Variants in AARD observed in about 807,000 individuals in gnomAD.
The protein encoded by AARD is alanine and arginine rich domain containing protein, also known as alanine- and arginine-rich domain-containing protein.
Under a neutral mutation model 9.3 loss-of-function variants are expected in AARD, and 9 were observed. That is an observed-to-expected ratio of 0.97 (90% CI 0.58 to 1.69). AARD has a LOEUF of 1.69. Ranked by LOEUF, AARD falls within the 40% of genes most tolerant of loss-of-function variation. The pLI is 0.00. For missense variants in AARD, 236 were observed against 210.3 expected (o/e 1.12, Z -0.76); for synonymous variants, 91 against 93.8 (o/e 0.97, Z 0.17).
Position 116,938,412 on chromosome 8 carries a change from G to T in AARD, c.169G>T (p.Glu57Ter). The T allele has an allele frequency of 6.2e-7, 1 of 1,611,676 alleles. No individual in the cohort carries two copies. The highest frequency in any genetic ancestry group is 1.1e-5 in the South Asian group (1 of 90,924). Residue 57 changes from glutamate (E) to a stop codon, truncating the protein, a stop_gained, in exon 1 of 2, where the codon GAG becomes TAG. Transcript: ENST00000378279. LOFTEE classifies it high-confidence loss of function. ...EEALAASPLLEDLRRRLTRAF... is the reference protein window; with the variant it reads ...EEALAASPLL Reference sequence around the variant, plus strand: ...GGCCCTCGCCGCCAGCCCGCTGCTGGAGGACCTCAGACGACGGCTGACGCG... The same window carrying T: ...GGCCCTCGCCGCCAGCCCGCTGCTGTAGGACCTCAGACGACGGCTGACGCG...
Position 116,938,639 on chromosome 8 carries a change from G to A in AARD, c.324+72G>A, listed in dbSNP as rs961444616. ...GGTCCTCTCCTCCAGCTGCAGAGCC[G>A]CTGGCCGCGTAGCCCACCCGACGCC... On this transcript the variant is annotated intron_variant, in intron 1 of 1. Transcript: ENST00000378279. 8.0e-6 allele frequency: 11 copies of A among 1,375,734 alleles called. No individual in the cohort carries two copies. In the African/African-American group the frequency reaches 1.5e-4, roughly 19 times the overall value. 85.2% of individuals were successfully genotyped at this position (1,375,734 alleles called of 1,614,324 possible).
Position 116,938,323 on chromosome 8 carries a change from G to C in AARD, c.80G>C (p.Trp27Ser), listed in dbSNP as rs780927967. 1.2e-6 allele frequency: 2 copies of C among 1,612,664 alleles called. No individual in the cohort carries two copies. The highest frequency in any genetic ancestry group is 1.1e-5 in the South Asian group (1 of 90,946). The change falls in exon 1 of 2, where the codon TGG becomes TCG. Residue 27 changes from tryptophan to serine, a missense_variant. Trp to Ser is a radical substitution (Grantham distance 177). Transcript: ENST00000378279. ...LQGLPGRAELWFPPRPACDFF... is the reference protein window; with the variant it reads ...LQGLPGRAELSFPPRPACDFF... ...GGACTCCCAGGTAGAGCGGAGCTTT[G>C]GTTCCCACCTCGTCCCGCGTGCGAC...
At position 116,942,825 on chromosome 8, in the gene AARD, C is replaced by T; in HGVS notation, c.*124C>T. 1.1e-6 allele frequency: 1 copy of T among 899,710 alleles called. No homozygotes were observed. Among genetic ancestry groups the T allele is most frequent in the Non-Finnish European group, 1.6e-6 (1 of 627,976 alleles). The allele number at this position is 899,710 out of a possible 1,614,324, so 55.7% of individuals were successfully genotyped here. A position where few individuals can be genotyped will look rare whatever the true frequency, so the allele number is the denominator to read the frequency against. On this transcript the variant is annotated 3_prime_UTR_variant, in exon 2 of 2. Transcript: ENST00000378279. ...ACCATCCTGGCTAACACTGTGAAAC[C>T]CTGCCTCTACTAAAAATACAAAAAA...
rs1369984014 is a variant in AARD at position 116,942,538 on chromosome 8, T to A, written c.325-20T>A. On this transcript the variant is annotated intron_variant, in intron 1 of 1. Transcript: ENST00000378279. Reference sequence around the variant, plus strand: ...CTGCATCTCAGGCTAATAAAATTTTTATTTTTTTCTAACTTTTAGGTGGAA... The same window carrying A: ...CTGCATCTCAGGCTAATAAAATTTTAATTTTTTTCTAACTTTTAGGTGGAA... 1 of 1,590,916 alleles carries A rather than the reference T, an allele frequency of 6.3e-7. No individual in the cohort carries two copies. The highest frequency in any genetic ancestry group is 8.6e-7 in the Non-Finnish European group (1 of 1,167,374).
In AARD at chr8:116,943,030, G is replaced by A. The variant is rs1018156652; in HGVS notation, c.*329G>A. The A allele has an allele frequency of 4.4e-5, 7 of 158,796 alleles. No individual in the cohort carries two copies. The highest frequency in any genetic ancestry group is 1.9e-4 in the South Asian group (1 of 5,322). The allele number at this position is 158,796 out of a possible 1,614,324, so 9.8% of individuals were successfully genotyped here. On this transcript the variant is annotated 3_prime_UTR_variant, in exon 2 of 2. Coordinates refer to ENST00000378279, the MANE Select transcript of AARD (RefSeq NM_001025357.3). ...AAAAAAAAAAAAAAAAAGCACACGC[G>A]AAGCTCTGGATCCTAAAACTAACGC...
In AARD at chr8:116,938,372, G is replaced by A. The variant is rs202038557; in HGVS notation, c.129G>A (p.Thr43=). Residue 43 remains threonine (T), a synonymous_variant, in exon 1 of 2, where the codon ACG becomes ACA. Transcript: ENST00000378279. Reference sequence around the variant, plus strand: ...ACTTCTTCGGGGACGGCAGGAGCACGGACATCCAGGAGGAGGCCCTCGCCG... The same window carrying A: ...ACTTCTTCGGGGACGGCAGGAGCACAGACATCCAGGAGGAGGCCCTCGCCG... ...ACDFFGDGRS[T]DIQEEALAAS... is the part of the protein sequence containing the mutation. 82 of 1,612,566 alleles carry A rather than the reference G, an allele frequency of 5.1e-5. No individual in the cohort carries two copies. The highest frequency in any genetic ancestry group is 6.7e-5 in the Non-Finnish European group (79 of 1,179,878).
Position 116,938,266 on chromosome 8 carries a change from G to A in AARD, c.23G>A (p.Arg8His), listed in dbSNP as rs1437748834. 1.3e-6 allele frequency: 2 copies of A among 1,586,466 alleles called. No homozygotes were observed. The highest frequency in any genetic ancestry group is 2.2e-5 in the South Asian group (2 of 89,520). Residue 8 changes from arginine (R) to histidine (H), a missense_variant, in exon 1 of 2, where the codon CGC becomes CAC. By Grantham distance (29) the Arg-to-His change is conservative. Transcript: ENST00000378279. MGPGDFR[R>H]CRERISQGLQ... is the part of the protein sequence containing the mutation. ...GCGATGGGCCCCGGGGACTTCCGCC[G>A]CTGCAGAGAGAGAATTTCCCAGGGG...
At chr8:116,940,615 A>G (rs1813734682) in intron 1 of AARD, among the ~76,000 whole-genome samples, 1 of 151,434 alleles carries the variant, frequency 6.6e-6, no homozygotes, top group African/African-American at 2.5e-5. Flanking sequence ...GAACTGACAT[A>G]TATTCCTATA....
chr8:116,938,526 A>T lies in AARD; in HGVS notation c.283A>T (p.Thr95Ser). Reference protein sequence around the residue: ...AAAAREEQSWTGVEATLARLR... With the variant: ...AAAAREEQSWSGVEATLARLR... ...GGCGGCGCGGGAGGAGCAGAGCTGG[A>T]CGGGCGTTGAGGCCACCCTGGCCAG... Residue 95 changes from threonine (T) to serine (S), a missense_variant, in exon 1 of 2, where the codon ACG (threonine) becomes TCG (serine). Thr to Ser is a moderately conservative substitution (Grantham distance 58, BLOSUM62 1). Transcript: ENST00000378279. 1 of 1,488,842 alleles carries T rather than the reference A, an allele frequency of 6.7e-7. No homozygotes were observed. The highest frequency in any genetic ancestry group is 8.9e-7 in the Non-Finnish European group (1 of 1,128,726). The allele number at this position is 1,488,842 out of a possible 1,614,324, so 92.2% of individuals were successfully genotyped here. A position where few individuals can be genotyped will look rare whatever the true frequency, so the allele number is the denominator to read the frequency against.
At position 116,942,274 on chromosome 8, in the gene AARD, A is replaced by G. The variant is rs868217675; in HGVS notation, c.325-284A>G. 4.9e-4 allele frequency among the ~76,000 whole-genome samples: 75 copies of G among 152,170 alleles called. 1 individual carries two copies. Among genetic ancestry groups the G allele is most frequent in the African/African-American group, 1.8e-3 (74 of 41,446 alleles). ...TCCTTGAAAACAGCCTTCGGTGCATAGGTATTTTTCATATGGACAGCTTTG... is the reference window on the plus strand; with the variant it reads ...TCCTTGAAAACAGCCTTCGGTGCATGGGTATTTTTCATATGGACAGCTTTG... On this transcript the variant is annotated intron_variant, in intron 1 of 1. Coordinates refer to ENST00000378279, the MANE Select transcript of AARD (RefSeq NM_001025357.3).
intron 1 of AARD, 64 bp from the exon 2 acceptor site, chr8:116,942,492 CAG>C: frequency 7.3e-7 from 1 of 1,370,712 alleles, no homozygotes; most frequent in Non-Finnish European, 9.9e-7. Context: ...TCTGTGTAGT[CAG>C]AGAGTGGTTT....
chr8:116,942,417 GA>G, intron 1 of AARD, 140 bp from the exon 2 acceptor site: 1 of 777,632 alleles, frequency 1.3e-6, no homozygotes, highest in Non-Finnish European at 1.9e-6. Context: ...TAAAACTGGA[GA>G]ATAAGATGAG....
intron 1 of AARD, among the ~76,000 whole-genome samples, chr8:116,941,285 T>C (rs148650484): frequency 2.4e-4 from 36 of 152,304 alleles, no homozygotes; most frequent in African/African-American, 8.2e-4. Flanking sequence ...AGAGCTGGCA[T>C]TTGACTGGGT....
At chr8:116,938,862 A>G (rs1406904375) in intron 1 of AARD, among the ~76,000 whole-genome samples, 1 of 152,210 alleles carries the variant, frequency 6.6e-6, no homozygotes, top group Non-Finnish European at 1.5e-5. Context: ...GACTATGTGT[A>G]TGTATGGCTC....
At chr8:116,939,590 C>G (rs944033045) in intron 1 of AARD, among the ~76,000 whole-genome samples, 10 of 152,196 alleles carry the variant, frequency 6.6e-5, no homozygotes, top group African/African-American at 2.4e-4. Flanking sequence ...TGAGATTGCG[C>G]CATTGCACTC....
Position 116,938,479 on chromosome 8 carries a change from T to G in AARD, c.236T>G (p.Val79Gly), listed in dbSNP as rs1228855682. The G allele has an allele frequency of 6.4e-7, 1 of 1,574,758 alleles. No homozygotes were observed. The highest frequency in any genetic ancestry group is 8.6e-7 in the Non-Finnish European group (1 of 1,163,334). ...WAVQRAISRR[V>G]QEAAAAAAAR... is the part of the protein sequence containing the mutation. ...GTGCAGCGCGCGATCTCGAGGCGCG[T>G]GCAGGAGGCGGCGGCGGCGGCGGCG... is the stretch of plus-strand genomic sequence containing the variant. Residue 79 changes from valine to glycine, a missense_variant, in exon 1 of 2, where the codon GTG becomes GGG. Coordinates refer to ENST00000378279, the MANE Select transcript of AARD (RefSeq NM_001025357.3).
At position 116,942,679 on chromosome 8, in the gene AARD, A is replaced by G. The variant is rs1268698458; in HGVS notation, c.446A>G (p.Asp149Gly). 1 of 1,613,690 alleles carries G rather than the reference A, an allele frequency of 6.2e-7. No homozygotes were observed. The highest frequency in any genetic ancestry group is 1.3e-5 in the African/African-American group (1 of 74,940). The stretch of plus-strand genomic sequence containing the variant: ...ACATCAGACTCCCAAAGCCCAAAAG[A>G]TGATGCTGCGAATCCGGAATAAAGA... ...EITSDSQSPK[D>G]DAANPE Residue 149 changes from aspartate (D) to glycine (G), a missense_variant, in exon 2 of 2, where the codon GAT becomes GGT. Coordinates refer to ENST00000378279, the MANE Select transcript of AARD (RefSeq NM_001025357.3).
rs369425409 is a variant in AARD, at chr8:116,938,500, C to A, written c.257C>A (p.Ala86Glu). Residue 86 changes from alanine (A) to glutamate (E), a missense_variant, in exon 1 of 2, where the codon GCG becomes GAG. Coordinates refer to ENST00000378279, the MANE Select transcript of AARD (RefSeq NM_001025357.3). ...SRRVQEAAAAAAAREEQSWTG... is the reference protein window; with the variant it reads ...SRRVQEAAAAEAAREEQSWTG... Reference sequence around the variant, plus strand: ...CGCGTGCAGGAGGCGGCGGCGGCGGCGGCGGCGCGGGAGGAGCAGAGCTGG... The same window carrying A: ...CGCGTGCAGGAGGCGGCGGCGGCGGAGGCGGCGCGGGAGGAGCAGAGCTGG... 2.1e-3 allele frequency: 3,266 copies of A among 1,533,362 alleles called. 56 individuals are homozygous for A. The African/African-American group carries it at 0.041, about 19-fold the overall frequency. 95.0% of individuals were successfully genotyped at this position (1,533,362 alleles called of 1,614,324 possible).
At position 116,942,657 on chromosome 8, in the gene AARD, T is replaced by G. The variant is rs1813758205; in HGVS notation, c.424T>G (p.Ser142Ala). 24 of 1,613,794 alleles carry G rather than the reference T, an allele frequency of 1.5e-5. No homozygotes were observed. The highest frequency in any genetic ancestry group is 2.0e-5 in the Non-Finnish European group (24 of 1,179,950). Reference sequence around the variant, plus strand: ...AAAGGAGTATGAACTGGAAATTACATCAGACTCCCAAAGCCCAAAAGATGA... The same window carrying G: ...AAAGGAGTATGAACTGGAAATTACAGCAGACTCCCAAAGCCCAAAAGATGA... The part of the protein sequence containing the change: ...LKKEYELEIT[S>A]DSQSPKDDAA... The change falls in exon 2 of 2, where the codon TCA becomes GCA. Residue 142 changes from serine to alanine, a missense_variant. Ser to Ala is a moderately conservative substitution (Grantham distance 99). Transcript: ENST00000378279.
Sources: gnomAD v4.1 joint callset for allele counts (sites outside exome capture counted in the v4.1 genomes callset) on GRCh38, gnomAD v4.1.1 for gene constraint, MANE v1.5 for transcripts, NCBI Gene and HGNC (gene_info 2026-07-23, HGNC 2026-07-21) for gene names.